The following DPYD variants were observed in gnomAD, a reference collection of about 807,000 sequenced individuals.
The protein encoded by DPYD is dihydropyrimidine dehydrogenase.
DPYD carries 109 observed loss-of-function variants against 116.2 expected under a neutral mutation model. That is an observed-to-expected ratio of 0.94 (90% CI 0.80 to 1.10). The LOEUF (loss-of-function observed/expected upper bound fraction) is 1.10. Ranked by LOEUF, DPYD falls within the 50% of genes least tolerant of loss-of-function variation. DPYD has a pLI of 0.00. For missense variants in DPYD, 1,302 were observed against 1,254.5 expected (o/e 1.04, Z -0.57); for synonymous variants, 440 against 432.0 (o/e 1.02, Z -0.23).
chr1:97,315,117 C>T (rs58203161), intron 16 of DPYD, among the ~76,000 whole-genome samples: 35,086 of 151,762 alleles, frequency 0.23, 4,259 homozygotes, highest in Non-Finnish European at 0.27. Context: ...GTTCTGAAAA[C>T]GTCTAAGAAA....
chr1:97,747,152 A>G (rs2101086934), intron 3 of DPYD, among the ~76,000 whole-genome samples: 1 of 152,270 alleles, frequency 6.6e-6, no homozygotes, highest in African/African-American at 2.4e-5. Flanking sequence ...AACTATTAGA[A>G]GTAATTAAAT....
chr1:97,294,787 C>T (rs891889118), intron 18 of DPYD, among the ~76,000 whole-genome samples: 9 of 152,164 alleles, frequency 5.9e-5, no homozygotes, highest in African/African-American at 2.2e-4. Context: ...AATGATGCCT[C>T]TCATTTTTGT....
chr1:97,591,466 G>A (rs1342515710), intron 10 of DPYD, among the ~76,000 whole-genome samples: 1 of 152,122 alleles, frequency 6.6e-6, no homozygotes, highest in Non-Finnish European at 1.5e-5. Flanking sequence ...AGTAAATGTA[G>A]TTTTAATAAA....
At chr1:97,728,914 C>T (rs1355287812) in intron 4 of DPYD, among the ~76,000 whole-genome samples, 1 of 151,684 alleles carries the variant, frequency 6.6e-6, no homozygotes, top group African/African-American at 2.4e-5. Context: ...GAACAGAACA[C>T]ATGAAAATTC....
chr1:97,312,135 T>C (rs1217637789), intron 16 of DPYD, among the ~76,000 whole-genome samples: 1 of 151,848 alleles, frequency 6.6e-6, no homozygotes, highest in African/African-American at 2.4e-5. Flanking sequence ...GTTGTCTATA[T>C]TCCACAATAA....
chr1:97,757,385 C>G (rs768805606), intron 3 of DPYD, among the ~76,000 whole-genome samples: 1 of 152,000 alleles, frequency 6.6e-6, no homozygotes, highest in African/African-American at 2.4e-5. Flanking sequence ...TGCAGGAGGC[C>G]CAGCATTTGG....
intron 8 of DPYD, among the ~76,000 whole-genome samples, chr1:97,636,743 G>T (rs186659997): frequency 6.6e-6 from 1 of 152,226 alleles, no homozygotes; most frequent in East Asian, 1.9e-4. Context: ...TGCTTCCCCA[G>T]TAATGTCTGA....
chr1:97,180,778 T>C (rs930015506), intron 20 of DPYD, among the ~76,000 whole-genome samples: 1 of 152,134 alleles, frequency 6.6e-6, no homozygotes, highest in Admixed American at 6.6e-5. Flanking sequence ...ACCACTCCCA[T>C]GAATGTGACA....
intron 3 of DPYD, among the ~76,000 whole-genome samples, chr1:97,796,746 A>T (rs1174193305): frequency 6.6e-6 from 1 of 150,586 alleles, no homozygotes; most frequent in African/African-American, 2.5e-5. Flanking sequence ...AGTAATAATT[A>T]CACTAACTCT....
At chr1:97,225,646 T>A (rs1326109424) in intron 19 of DPYD, among the ~76,000 whole-genome samples, 1 of 149,790 alleles carries the variant, frequency 6.7e-6, no homozygotes, top group African/African-American at 2.5e-5. Flanking sequence ...GGTTTGAAAA[T>A]ATTTTTCCAA....
intron 3 of DPYD, among the ~76,000 whole-genome samples, chr1:97,760,483 A>G (rs1665514663): frequency 6.6e-6 from 1 of 152,210 alleles, no homozygotes; most frequent in Non-Finnish European, 1.5e-5. Context: ...ATAGCTATTT[A>G]TATTTGTATT....
intron 1 of DPYD, 55 bp from the exon 2 acceptor site, chr1:97,883,429 A>C: frequency 7.9e-7 from 1 of 1,262,996 alleles, no homozygotes. Flanking sequence ...GCATTTGTTT[A>C]AACTTATTTT....
chr1:97,491,114 T>C (rs1464750083), intron 13 of DPYD, among the ~76,000 whole-genome samples: 1 of 147,632 alleles, frequency 6.8e-6, no homozygotes, highest in Non-Finnish European at 1.5e-5. Context: ...ATATATAATA[T>C]ATTAACCTAA....
At chr1:97,495,881 A>G (rs941523138) in intron 13 of DPYD, among the ~76,000 whole-genome samples, 6 of 152,136 alleles carry the variant, frequency 3.9e-5, no homozygotes, top group Admixed American at 3.9e-4. Context: ...CACATCTGAA[A>G]AATTATTAAC....
intron 18 of DPYD, among the ~76,000 whole-genome samples, chr1:97,272,033 C>T (rs1200270632): frequency 6.6e-6 from 1 of 152,106 alleles, no homozygotes; most frequent in Non-Finnish European, 1.5e-5. Flanking sequence ...TTGTCAAAGG[C>T]AAACCAGCAC....
chr1:97,711,936 T>G (rs930203958), intron 5 of DPYD, among the ~76,000 whole-genome samples: 1 of 152,026 alleles, frequency 6.6e-6, no homozygotes, highest in Admixed American at 6.6e-5. Context: ...TTTCCTTCCT[T>G]CTAAAGAATA....
At chr1:97,884,575 T>G (rs1051009869) in intron 1 of DPYD, among the ~76,000 whole-genome samples, 1 of 152,084 alleles carries the variant, frequency 6.6e-6, no homozygotes, top group African/African-American at 2.4e-5. Flanking sequence ...TTAGAAATCA[T>G]TCCAGCTGAC....
At chr1:97,555,144 G>T (rs1651599712) in intron 11 of DPYD, among the ~76,000 whole-genome samples, 1 of 152,042 alleles carries the variant, frequency 6.6e-6, no homozygotes, top group South Asian at 2.1e-4. Context: ...TCCAACAGTT[G>T]AATGGCATTA....
In DPYD at chr1:97,546,168, G is replaced by A. The variant is rs941929312; in HGVS notation, c.1524+3392C>T. The A allele has an allele frequency of 8.3e-6, 12 of 1,444,006 alleles. No homozygotes were observed. In the African/African-American group the frequency reaches 1.5e-4, roughly 19 times the overall value. 89.4% of individuals were successfully genotyped at this position (1,444,006 alleles called of 1,614,324 possible). On this transcript the variant is annotated intron_variant, in intron 12 of 22. Transcript: ENST00000370192. ...CTTCTGTGCTGCAGAGGAACAGCCA[G>A]CAGAAGATGGGCAGGGTGAAACTAA...
Sources: allele counts gnomAD v4.1 joint callset (sites outside exome capture counted in the v4.1 genomes callset), GRCh38; gene constraint gnomAD v4.1.1; transcripts MANE v1.5; gene names NCBI Gene and HGNC (gene_info 2026-07-23, HGNC 2026-07-21).